The following ESRRG variants were observed in gnomAD, a reference collection of about 807,000 sequenced individuals.
ESRRG encodes the protein estrogen-related receptor gamma.
Under a neutral mutation model 44.0 loss-of-function variants are expected in ESRRG, and 13 were observed. The ratio of observed to expected loss-of-function variants is 0.30; its 90% CI spans 0.19 to 0.47. ESRRG has a LOEUF of 0.47. Ranked by LOEUF, ESRRG falls within the 20% of genes least tolerant of loss-of-function variation. The pLI is 1.00. For missense variants in ESRRG, 395 were observed against 580.6 expected, an observed-to-expected ratio of 0.68 and a Z score of 3.29; for synonymous variants, 215 against 214.6, an observed-to-expected ratio of 1.00 and a Z score of -0.02.
rs2093330005 is a variant in ESRRG at position 216,770,342 on chromosome 1, G to A, written c.-13-92851C>T. Among the ~76,000 whole-genome samples, 2 of 152,200 alleles carry A rather than the reference G, an allele frequency of 1.3e-5. 1 individual carries two copies. Among genetic ancestry groups the A allele is most frequent in the South Asian group, 4.1e-4 (2 of 4,826 alleles). On this transcript the variant is annotated intron_variant, in intron 2 of 7. Transcript: ENST00000359162. ...AACATGTAAGAAAAGGAAGAGACCAGAGAGCTAGTTCCATTGTCCTGGATT... is the reference window on the plus strand; with the variant it reads ...AACATGTAAGAAAAGGAAGAGACCAAAGAGCTAGTTCCATTGTCCTGGATT...
intron 1 of ESRRG, among the ~76,000 whole-genome samples, chr1:217,110,398 C>T (rs1301035983): frequency 6.6e-6 from 1 of 152,128 alleles, no homozygotes; most frequent in African/African-American, 2.4e-5. Flanking sequence ...CCATAGCAAA[C>T]CATTGCCTGT....
At chr1:216,671,982 G>A (rs1302516229) in intron 2 of ESRRG, among the ~76,000 whole-genome samples, 1 of 150,940 alleles carries the variant, frequency 6.6e-6, no homozygotes, top group Non-Finnish European at 1.5e-5. Flanking sequence ...AAGAGTCTAG[G>A]GGAAACTCTT....
chr1:216,963,919 CAGAAGCCAGCTAAGGATTCCCTAA>C (rs1452897716), intron 1 of ESRRG, among the ~76,000 whole-genome samples: 1 of 152,132 alleles, frequency 6.6e-6, no homozygotes, highest in Non-Finnish European at 1.5e-5. Context: ...GACTGACAGA[CAGAAGCCAGCTAAGGATTCCCTAA>C]AGATGAGGAG....
At chr1:216,731,652 C>A (rs921832356) in intron 2 of ESRRG, among the ~76,000 whole-genome samples, 6 of 152,306 alleles carry the variant, frequency 3.9e-5, no homozygotes, top group Non-Finnish European at 5.9e-5. Flanking sequence ...AAAATATGTA[C>A]AACTATTATG....
At chr1:217,110,884 A>C (rs1373828289) in intron 1 of ESRRG, among the ~76,000 whole-genome samples, 2 of 152,064 alleles carry the variant, frequency 1.3e-5, no homozygotes, top group Non-Finnish European at 2.9e-5. Flanking sequence ...CACTGACTCT[A>C]ATTTTTGCTG....
At chr1:216,794,278 C>G (rs184977252) in intron 2 of ESRRG, among the ~76,000 whole-genome samples, 3 of 152,272 alleles carry the variant, frequency 2.0e-5, no homozygotes, top group African/African-American at 7.2e-5. Context: ...AGTATTTACA[C>G]TCATTATGAG....
chr1:217,060,810 A>AGACC (rs1207236262), intron 1 of ESRRG, among the ~76,000 whole-genome samples: 1 of 55,396 alleles, frequency 1.8e-5, no homozygotes, highest in Non-Finnish European at 5.1e-5. Flanking sequence ...ATAGATAGAT[A>AGACC]GATAGATAGA....
intron 1 of ESRRG, among the ~76,000 whole-genome samples, chr1:217,031,897 A>T (rs1296370721): frequency 2.6e-5 from 4 of 152,158 alleles, no homozygotes; most frequent in Non-Finnish European, 5.9e-5. Context: ...CCCTGTGGAA[A>T]TGTGATTCAA....
chr1:216,572,745 G>T (rs1477526782), intron 3 of ESRRG, among the ~76,000 whole-genome samples: 2 of 151,932 alleles, frequency 1.3e-5, no homozygotes, highest in Non-Finnish European at 2.9e-5. Context: ...TTACTAAAAA[G>T]CAAATTTTAT....
intron 1 of ESRRG, among the ~76,000 whole-genome samples, chr1:217,009,198 C>A (rs182311434): frequency 4.3e-4 from 66 of 152,226 alleles, no homozygotes; most frequent in African/African-American, 1.5e-3. Context: ...ACCCCCTTAC[C>A]GCTCTCACAG....
rs545894422 is a variant in ESRRG, at chr1:216,913,090, C to T, written c.-14+26492G>A. Among the ~76,000 whole-genome samples the T allele has an allele frequency of 7.0e-4, 95 of 135,744 alleles. 1 individual carries two copies. The highest frequency in any genetic ancestry group is 1.0e-3 in the Non-Finnish European group (68 of 65,656). The allele number at this position is 135,744 out of a possible 152,430, so 89.1% of individuals were successfully genotyped here. A position where few individuals can be genotyped will look rare whatever the true frequency, so the allele number is the denominator to read the frequency against. ...AGTGAACCGAGATCGCACTACTGCACTCCAGAGCGAGACTCTGTCTCAAAA... is the reference window on the plus strand; with the variant it reads ...AGTGAACCGAGATCGCACTACTGCATTCCAGAGCGAGACTCTGTCTCAAAA... On this transcript the variant is annotated intron_variant, in intron 2 of 7. Transcript: ENST00000359162.
intron 3 of ESRRG, among the ~76,000 whole-genome samples, chr1:216,630,580 A>C (rs1386254328): frequency 4.6e-5 from 7 of 152,172 alleles, no homozygotes; most frequent in Admixed American, 4.6e-4. Context: ...TTGATAATGG[A>C]AACCCTCCCG....
At chr1:216,963,163 G>T (rs2150197714) in intron 1 of ESRRG, among the ~76,000 whole-genome samples, 1 of 152,238 alleles carries the variant, frequency 6.6e-6, no homozygotes, top group African/African-American at 2.4e-5. Context: ...TCTACCTAAA[G>T]AATAATTATT....
chr1:216,667,425 C>G (rs1024637637), intron 2 of ESRRG, among the ~76,000 whole-genome samples: 2 of 152,002 alleles, frequency 1.3e-5, no homozygotes, highest in Non-Finnish European at 2.9e-5. Flanking sequence ...GTGGCTCATG[C>G]CTGTAATCCC....
rs546168143 is a variant in ESRRG, at chr1:216,569,995, C to T, written c.590-1897G>A. Among the ~76,000 whole-genome samples the T allele has an allele frequency of 1.2e-3, 183 of 151,982 alleles. 1 individual carries two copies. Among genetic ancestry groups the T allele is most frequent in the Non-Finnish European group, 2.3e-3 (155 of 68,014 alleles). On this transcript the variant is annotated intron_variant, in intron 3 of 6. Coordinates refer to ENST00000408911, the MANE Select transcript of ESRRG (RefSeq NM_001438.4). ...TGTGGGTTATCTGAGTTACATGAAA[C>T]GATTTGGGAAAAGCAGATCTATTTC...
chr1:216,735,987 A>AAATATATAT (rs1453476198), intron 2 of ESRRG, among the ~76,000 whole-genome samples: 1 of 137,092 alleles, frequency 7.3e-6, no homozygotes, highest in African/African-American at 2.7e-5. Flanking sequence ...CTCAAAAAAA[A>AAATATATAT]ATATATATAT....
intron 2 of ESRRG, among the ~76,000 whole-genome samples, chr1:216,666,798 A>C (rs1376191347): frequency 1.3e-5 from 2 of 152,200 alleles, no homozygotes; most frequent in Non-Finnish European, 1.5e-5. Context: ...TTTTATAAGA[A>C]TTAATTGGAA....
At chr1:216,852,589 T>G (rs1377671528) in intron 2 of ESRRG, among the ~76,000 whole-genome samples, 9 of 152,216 alleles carry the variant, frequency 5.9e-5, no homozygotes, top group Non-Finnish European at 1.0e-4. Flanking sequence ...TTGTTTAATG[T>G]AAGATAAAAT....
intron 2 of ESRRG, among the ~76,000 whole-genome samples, chr1:216,888,493 G>A (rs1439064979): frequency 6.6e-6 from 1 of 152,044 alleles, no homozygotes; most frequent in Non-Finnish European, 1.5e-5. Flanking sequence ...ATAAACTATA[G>A]TGTTAAAATC....
Sources: allele counts gnomAD v4.1 joint callset (sites outside exome capture counted in the v4.1 genomes callset), GRCh38; gene constraint gnomAD v4.1.1; transcripts MANE v1.5; gene names NCBI Gene and HGNC (gene_info 2026-07-23, HGNC 2026-07-21).